PTPRQ: variants seen among roughly 807,000 people sequenced by gnomAD.
PTPRQ encodes protein tyrosine phosphatase receptor type Q, also known as phosphatidylinositol phosphatase PTPRQ.
A neutral mutation model predicts 246.0 loss-of-function variants in PTPRQ; 199 were observed. That is an observed-to-expected ratio of 0.81 (90% confidence interval 0.72 to 0.91). The LOEUF (loss-of-function observed/expected upper bound fraction) is 0.91. Among genes scored for constraint, PTPRQ ranks in the 40% least tolerant of loss-of-function variants. The probability of loss-of-function intolerance (pLI) is 0.00; values close to 1 mark genes in which losing one functional copy is unlikely to be tolerated. For synonymous variants in PTPRQ, 869 were observed against 853.2 expected, an observed-to-expected ratio of 1.02 and a Z score of -0.32; for missense variants, 2,624 against 2,528.4, an observed-to-expected ratio of 1.04 and a Z score of -0.81.
At chr12:80,529,648 A>T (rs1307929753) in intron 17 of PTPRQ, among the ~76,000 whole-genome samples, 1 of 152,114 alleles carries the variant, frequency 6.6e-6, no homozygotes, top group Non-Finnish European at 1.5e-5. Context: ...TATGCACTAG[A>T]TGTCAAAATG....
At chr12:80,521,134 T>C (rs1895468849) in intron 17 of PTPRQ, among the ~76,000 whole-genome samples, 1 of 152,224 alleles carries the variant, frequency 6.6e-6, no homozygotes, top group African/African-American at 2.4e-5. Context: ...TTTTTTCATG[T>C]GTCTTTTGGC....
At chr12:80,653,818 A>C (rs373355001) in intron 38 of PTPRQ, among the ~76,000 whole-genome samples, 40 of 152,324 alleles carry the variant, frequency 2.6e-4, no homozygotes, top group African/African-American at 8.7e-4. Context: ...AACAAATGTA[A>C]GGAAACATGA....
chr12:80,674,468 C>A (rs1901071532), intron 43 of PTPRQ, among the ~76,000 whole-genome samples: 1 of 152,090 alleles, frequency 6.6e-6, no homozygotes, highest in South Asian at 2.1e-4. Flanking sequence ...TGATTCAAAC[C>A]TGTAATACCA....
intron 25 of PTPRQ, among the ~76,000 whole-genome samples, chr12:80,585,525 C>G (rs1403126095): frequency 6.6e-6 from 1 of 152,142 alleles, no homozygotes. Context: ...GAGCCTGCCA[C>G]TTCTCTGCTC....
intron 42 of PTPRQ, 50 bp from the exon 43 acceptor site, chr12:80,673,119 A>C: frequency 6.5e-7 from 1 of 1,542,836 alleles, no homozygotes; most frequent in Non-Finnish European, 8.8e-7. Flanking sequence ...CCCCATCAAA[A>C]TGAACAACCC....
At chr12:80,631,355 A>C (rs1056813367) in intron 33 of PTPRQ, among the ~76,000 whole-genome samples, 3 of 152,304 alleles carry the variant, frequency 2.0e-5, no homozygotes, top group African/African-American at 7.2e-5. Flanking sequence ...TCCGAATTGA[A>C]GATAAAAGTT....
chr12:80,531,659 T>C (rs1895847637), intron 17 of PTPRQ, among the ~76,000 whole-genome samples: 1 of 152,238 alleles, frequency 6.6e-6, no homozygotes, highest in African/African-American at 2.4e-5. Flanking sequence ...CTTTTAGTTA[T>C]CAGTTTTATA....
At chr12:80,523,426 T>C (rs1228986746) in intron 17 of PTPRQ, among the ~76,000 whole-genome samples, 1 of 152,206 alleles carries the variant, frequency 6.6e-6, no homozygotes, top group Non-Finnish European at 1.5e-5. Flanking sequence ...GTGTTTGCTC[T>C]TGCTTCTCTA....
chr12:80,585,226 A>G (rs887986798), intron 25 of PTPRQ, among the ~76,000 whole-genome samples: 3 of 152,046 alleles, frequency 2.0e-5, no homozygotes, highest in Admixed American at 1.3e-4. Context: ...CCACATCTTG[A>G]TTAATAGTGA....
rs12302642 is a variant in PTPRQ at position 80,471,806 on chromosome 12, T to C, written c.1040-299T>C. On this transcript the variant is annotated intron_variant, in intron 7 of 44. Coordinates refer to ENST00000644991, the MANE Select transcript of PTPRQ (RefSeq NM_001145026.2). The stretch of plus-strand genomic sequence containing the variant: ...TGGTCACTTTTTGAACTGATAAAAT[T>C]TGATGCTTCCCTTTTCAATATGTCA... 0.24 allele frequency among the ~76,000 whole-genome samples: 36,850 copies of C among 151,902 alleles called. 5,168 individuals are homozygous for C. Among genetic ancestry groups the C allele is most frequent in the African/African-American group, 0.38 (15,672 of 41,342 alleles).
intron 2 of PTPRQ, among the ~76,000 whole-genome samples, chr12:80,445,282 G>A (rs1413856043): frequency 6.6e-6 from 1 of 151,872 alleles, no homozygotes; most frequent in Non-Finnish European, 1.5e-5. Context: ...TATTTATTTA[G>A]TAGCATTCCA....
intron 35 of PTPRQ, among the ~76,000 whole-genome samples, chr12:80,643,088 G>C (rs185912272): frequency 1.1e-4 from 16 of 152,148 alleles, no homozygotes; most frequent in Admixed American, 8.5e-4. Context: ...CATATGAGAA[G>C]ATATGTTGAG....
At chr12:80,671,371 A>ATT (rs1900964702) in intron 42 of PTPRQ, among the ~76,000 whole-genome samples, 1 of 152,102 alleles carries the variant, frequency 6.6e-6, no homozygotes, top group Middle Eastern at 3.2e-3. Context: ...TCAATGATTG[A>ATT]TTTTATGCTG....
chr12:80,669,197 T>G, intron 40 of PTPRQ, 56 bp downstream of exon 40: 1 of 1,533,980 alleles, frequency 6.5e-7, no homozygotes, highest in Non-Finnish European at 8.8e-7. Flanking sequence ...TTAACATATG[T>G]GTGAATATTT....
chr12:80,541,557 C>A lies in PTPRQ; in HGVS notation c.3157C>A (p.Pro1053Thr). 1 of 1,509,334 alleles carries A rather than the reference C, an allele frequency of 6.6e-7. No homozygotes were observed. Among genetic ancestry groups the A allele is most frequent in the Non-Finnish European group, 8.9e-7 (1 of 1,126,416 alleles). 93.5% of individuals were successfully genotyped at this position (1,509,334 alleles called of 1,614,324 possible). A position where few individuals can be genotyped will look rare whatever the true frequency, so the allele number is the denominator to read the frequency against. ...IIEVYTDQDI[P>T]EGFVGNLTYE... ...ATTTTGCCCATTACCTATCATAGTA[C>A]CTGAAGGGTTTGTTGGAAACCTGAC... Residue 1053 changes from proline to threonine, a missense_variant and splice_region_variant, in exon 21 of 45, where the codon CCT becomes ACT. Transcript: ENST00000644991.
chr12:80,531,822 AT>A lies in PTPRQ; in HGVS notation c.2679-2186del, dbSNP rs199549538. On this transcript the variant is annotated intron_variant, in intron 17 of 44. Transcript: ENST00000644991. Reference sequence around the variant, plus strand: ...TAAACAGATGAGGCATCTGAAAAAAATTTTTTTAGCTTAATTTTGTCTCTTG... The same window carrying A: ...TAAACAGATGAGGCATCTGAAAAAAATTTTTTAGCTTAATTTTGTCTCTTG... Among the ~76,000 whole-genome samples, 776 of 152,266 alleles carry A rather than the reference AT, an allele frequency of 5.1e-3. 2 individuals carry two copies. Among genetic ancestry groups the A allele is most frequent in the South Asian group, 0.01 (49 of 4,826 alleles).
At chr12:80,511,534 C>T (rs1024675466) in intron 17 of PTPRQ, among the ~76,000 whole-genome samples, 16 of 152,184 alleles carry the variant, frequency 1.1e-4, no homozygotes, top group African/African-American at 3.9e-4. Flanking sequence ...ATCTCTTACA[C>T]TCCCAAGAGA....
intron 9 of PTPRQ, among the ~76,000 whole-genome samples, chr12:80,486,329 A>G (rs1298010418): frequency 1.3e-5 from 2 of 152,144 alleles, no homozygotes; most frequent in Admixed American, 1.3e-4. Flanking sequence ...AGGAGACATT[A>G]TGCTTCTCTT....
At chr12:80,514,402 A>ACACACACCCACACACTCTCT (rs552667526) in intron 17 of PTPRQ, among the ~76,000 whole-genome samples, 1 of 112,980 alleles carries the variant, frequency 8.9e-6, no homozygotes. Flanking sequence ...ACACACACAC[A>ACACACACCCACACACTCTCT]CTCTCTCTCT....
Sources: allele counts gnomAD v4.1 joint callset (sites outside exome capture counted in the v4.1 genomes callset), GRCh38; gene constraint gnomAD v4.1.1; transcripts MANE v1.5; gene names NCBI Gene and HGNC (gene_info 2026-07-23, HGNC 2026-07-21).